The following NAALADL2 variants were observed in gnomAD, a reference collection of about 807,000 sequenced individuals.
NAALADL2 encodes inactive N-acetylated-alpha-linked acidic dipeptidase-like protein 2.
Under a neutral mutation model 87.2 loss-of-function variants are expected in NAALADL2, and 76 were observed. The ratio of observed to expected loss-of-function variants is 0.87; its 90% CI spans 0.72 to 1.05. The LOEUF (loss-of-function observed/expected upper bound fraction) is 1.05. Among genes scored for constraint, NAALADL2 ranks in the 50% least tolerant of loss-of-function variants. The pLI, the probability that NAALADL2 is intolerant of heterozygous loss-of-function variation, is 0.00. For missense variants in NAALADL2, 1,089 were observed against 945.8 expected, an observed-to-expected ratio of 1.15 and a Z score of -1.99; for synonymous variants, 354 against 331.0, an observed-to-expected ratio of 1.07 and a Z score of -0.75.
intron 4 of NAALADL2, among the ~76,000 whole-genome samples, chr3:175,322,431 AG>A (rs1384168875): frequency 2.8e-5 from 3 of 108,738 alleles, no homozygotes; most frequent in African/African-American, 1.3e-4. Context: ...GGCATGGGCA[AG>A]GACTTCATGT....
intron 3 of NAALADL2, among the ~76,000 whole-genome samples, chr3:174,745,148 C>T (rs896255743): frequency 3.8e-4 from 57 of 151,716 alleles, no homozygotes; most frequent in African/African-American, 1.2e-3. Context: ...AAAAAATCAA[C>T]GAGTCCAGGA....
intron 2 of NAALADL2, among the ~76,000 whole-genome samples, chr3:174,591,314 G>T (rs1717336909): frequency 6.6e-6 from 1 of 152,082 alleles, no homozygotes; most frequent in Non-Finnish European, 1.5e-5. Context: ...GGATTGGCTG[G>T]ACAAATAGAA....
intron 2 of NAALADL2, among the ~76,000 whole-genome samples, chr3:174,622,997 C>T (rs373100315): frequency 7.5e-4 from 114 of 152,206 alleles, no homozygotes; most frequent in African/African-American, 2.6e-3. Flanking sequence ...GAGCCAAGAT[C>T]GCGCCACTGC....
At chr3:174,706,247 C>G (rs1235375157) in intron 2 of NAALADL2, among the ~76,000 whole-genome samples, 1 of 152,066 alleles carries the variant, frequency 6.6e-6, no homozygotes, top group Non-Finnish European at 1.5e-5. Context: ...AACTAAATAT[C>G]CATGTGCAGA....
At chr3:174,442,928 A>G (rs1215495288) in intron 1 of NAALADL2, among the ~76,000 whole-genome samples, 1 of 152,192 alleles carries the variant, frequency 6.6e-6, no homozygotes, top group African/African-American at 2.4e-5. Flanking sequence ...GGGCGCAGAG[A>G]AATAGCAAGT....
chr3:175,483,931 G>T (rs1726883466), intron 9 of NAALADL2, among the ~76,000 whole-genome samples: 1 of 151,604 alleles, frequency 6.6e-6, no homozygotes, highest in Non-Finnish European at 1.5e-5. Flanking sequence ...CTGGAAGCAG[G>T]CTAACCTCAC....
chr3:175,043,726 G>C (rs1181083546), intron 1 of NAALADL2, among the ~76,000 whole-genome samples: 1 of 152,008 alleles, frequency 6.6e-6, no homozygotes, highest in Non-Finnish European at 1.5e-5. Context: ...TTTCTCTTCT[G>C]TTAGTCTATG....
intron 4 of NAALADL2, among the ~76,000 whole-genome samples, chr3:175,311,825 G>GT (rs1175510487): frequency 6.6e-6 from 1 of 151,846 alleles, no homozygotes; most frequent in Non-Finnish European, 1.5e-5. Flanking sequence ...ATAACTTCAA[G>GT]TATTTTTTTC....
chr3:174,572,746 T>A (rs1715078513), intron 2 of NAALADL2, among the ~76,000 whole-genome samples: 1 of 152,184 alleles, frequency 6.6e-6, no homozygotes, highest in South Asian at 2.1e-4. Flanking sequence ...AAAATGTTAT[T>A]CCTGGTAGCA....
At chr3:175,118,943 CAGGT>C (rs936917517) in intron 2 of NAALADL2, among the ~76,000 whole-genome samples, 3 of 151,680 alleles carry the variant, frequency 2.0e-5, no homozygotes, top group Non-Finnish European at 4.4e-5. Context: ...TGCTGGTCAT[CAGGT>C]AGCAAAAAAT....
chr3:174,649,608 T>C (rs985148491), intron 2 of NAALADL2, among the ~76,000 whole-genome samples: 2 of 152,098 alleles, frequency 1.3e-5, no homozygotes, highest in African/African-American at 4.8e-5. Context: ...TGACAAGTCA[T>C]AGAGAGTAAT....
chr3:174,968,629 G>T (rs1379137600), intron 1 of NAALADL2, among the ~76,000 whole-genome samples: 1 of 151,818 alleles, frequency 6.6e-6, no homozygotes, highest in Admixed American at 6.6e-5. Context: ...ACAGGTGCAC[G>T]CCACCACGCC....
intron 1 of NAALADL2, among the ~76,000 whole-genome samples, chr3:174,460,434 T>G (rs1346763992): frequency 1.3e-5 from 2 of 152,006 alleles, no homozygotes; most frequent in Admixed American, 6.6e-5. Flanking sequence ...TATTCTATTT[T>G]GAAAAAAACA....
intron 7 of NAALADL2, among the ~76,000 whole-genome samples, chr3:175,464,548 G>C (rs1041172521): frequency 1.3e-5 from 2 of 152,098 alleles, no homozygotes; most frequent in Non-Finnish European, 2.9e-5. Flanking sequence ...CTGTTATACA[G>C]TGTAGCATGT....
intron 2 of NAALADL2, among the ~76,000 whole-genome samples, chr3:174,632,447 T>C (rs1722208233): frequency 6.6e-6 from 1 of 152,182 alleles, no homozygotes; most frequent in East Asian, 1.9e-4. Context: ...TGCTTAATGT[T>C]AATAAATTCT....
chr3:175,395,140 GTCCATAATGCATACAGCATTATA>G (rs1237596164), intron 5 of NAALADL2, among the ~76,000 whole-genome samples: 1 of 152,004 alleles, frequency 6.6e-6, no homozygotes, highest in African/African-American at 2.4e-5. Context: ...TAATGGGCAG[GTCCATAATGCATACAGCATTATA>G]TGTATAATGC....
intron 3 of NAALADL2, among the ~76,000 whole-genome samples, chr3:174,751,908 T>A (rs1734863690): frequency 6.6e-6 from 1 of 152,164 alleles, no homozygotes; most frequent in Non-Finnish European, 1.5e-5. Flanking sequence ...CGAGGAGGGT[T>A]TCTTTAATTC....
chr3:175,787,319 T>TGCC (rs1464193211), intron 13 of NAALADL2, among the ~76,000 whole-genome samples: 4 of 151,180 alleles, frequency 2.6e-5, no homozygotes, highest in Non-Finnish European at 4.4e-5. Flanking sequence ...GCCTTCCTGC[T>TGCC]GCCTTGCAGT....
intron 2 of NAALADL2, among the ~76,000 whole-genome samples, chr3:174,613,200 C>A (rs745590551): frequency 6.6e-6 from 1 of 152,194 alleles, no homozygotes; most frequent in African/African-American, 2.4e-5. Context: ...CAAAAGCTCC[C>A]ATGTGGCCAC....
Sources: gnomAD v4.1 joint callset for allele counts (sites outside exome capture counted in the v4.1 genomes callset) on GRCh38, gnomAD v4.1.1 for gene constraint, MANE v1.5 for transcripts, NCBI Gene and HGNC (gene_info 2026-07-23, HGNC 2026-07-21) for gene names.